Variants in CNTN1 observed in about 807,000 individuals in gnomAD.
CNTN1 encodes the protein contactin-1.
Under a neutral mutation model 126.4 loss-of-function variants are expected in CNTN1, and 38 were observed. That is an observed-to-expected ratio of 0.30 (90% CI 0.23 to 0.39). The LOEUF is 0.39. Ranked by LOEUF, CNTN1 falls within the 10% of genes least tolerant of loss-of-function variation. CNTN1 has a pLI of 1.00. For synonymous variants in CNTN1, 413 were observed against 422.6 expected, an observed-to-expected ratio of 0.98 and a Z score of 0.28; for missense variants, 1,009 against 1,248.4, an observed-to-expected ratio of 0.81 and a Z score of 2.89.
chr12:40,801,095 A>C (rs1200719202), intron 1 of CNTN1, among the ~76,000 whole-genome samples: 2 of 151,110 alleles, frequency 1.3e-5, no homozygotes, highest in African/African-American at 4.9e-5. Flanking sequence ...ATTTTTAGAG[A>C]GAATAATAAT....
intron 23 of CNTN1, among the ~76,000 whole-genome samples, chr12:41,053,494 TTA>T (rs1949735574): frequency 1.5e-5 from 2 of 132,858 alleles, no homozygotes; most frequent in South Asian, 4.7e-4. Context: ...TGTCAGTTCT[TTA>T]TAAGGTGGCT....
chr12:40,945,495 G>A (rs1946402454), intron 14 of CNTN1, among the ~76,000 whole-genome samples: 1 of 151,944 alleles, frequency 6.6e-6, no homozygotes, highest in Non-Finnish European at 1.5e-5. Context: ...AAGTCTAGAA[G>A]TTCCACAACC....
chr12:41,003,566 A>C (rs1217388781), intron 17 of CNTN1, among the ~76,000 whole-genome samples: 1 of 143,208 alleles, frequency 7.0e-6, no homozygotes, highest in African/African-American at 2.7e-5. Flanking sequence ...CTGTGAATCT[A>C]TCTGGTCCTG....
At chr12:40,807,637 G>A (rs1940909807) in intron 1 of CNTN1, among the ~76,000 whole-genome samples, 1 of 152,094 alleles carries the variant, frequency 6.6e-6, no homozygotes, top group Non-Finnish European at 1.5e-5. Context: ...GACTTCATTA[G>A]ATCCTTCTCA....
chr12:40,810,650 TGTGTATGACACTTCA>T (rs1941028594), intron 1 of CNTN1, among the ~76,000 whole-genome samples: 2 of 152,158 alleles, frequency 1.3e-5, no homozygotes, highest in Non-Finnish European at 2.9e-5. Flanking sequence ...TTTATCTTTC[TGTGTATGACACTTCA>T]GTTAGCATAA....
intron 17 of CNTN1, among the ~76,000 whole-genome samples, chr12:41,009,738 C>T (rs951207516): frequency 3.3e-5 from 5 of 152,170 alleles, no homozygotes; most frequent in African/African-American, 9.7e-5. Context: ...TAGCCTCTGG[C>T]TTCAGTGGAT....
intron 16 of CNTN1, among the ~76,000 whole-genome samples, chr12:40,985,225 C>G (rs1947928951): frequency 6.6e-6 from 1 of 151,908 alleles, no homozygotes; most frequent in Admixed American, 6.6e-5. Context: ...ATCTTAGATG[C>G]CTTTTTTAGG....
chr12:40,918,842 T>G (rs951949781), intron 4 of CNTN1, 71 bp downstream of exon 4: 142 of 1,552,592 alleles, frequency 9.1e-5, no homozygotes, highest in Non-Finnish European at 1.3e-4. Flanking sequence ...TCTATGAACT[T>G]GTACAGATGT....
In CNTN1 at chr12:40,787,086, T is replaced by A. The variant is rs1007970621; in HGVS notation, c.-77+94494T>A. Among the ~76,000 whole-genome samples the A allele has an allele frequency of 1.7e-4, 26 of 152,172 alleles. 1 individual carries two copies. The stretch of plus-strand genomic sequence containing the variant: ...CTGGGGATATATTAAAAAATCTGCC[T>A]CTATATCAAGTTATTTATTTATATC... On this transcript the variant is annotated intron_variant, in intron 1 of 23. Transcript: ENST00000551295.
At chr12:40,722,888 C>T (rs1424493046) in intron 1 of CNTN1, among the ~76,000 whole-genome samples, 1 of 152,088 alleles carries the variant, frequency 6.6e-6, no homozygotes, top group Admixed American at 6.6e-5. Context: ...AGCCCTCCAA[C>T]AAATGCATTT....
intron 15 of CNTN1, among the ~76,000 whole-genome samples, chr12:40,980,260 C>T (rs1947784873): frequency 6.6e-6 from 1 of 151,888 alleles, no homozygotes; most frequent in African/African-American, 2.4e-5. Flanking sequence ...CGGTGAAACC[C>T]AGTCTCTGCA....
At chr12:40,984,260 C>T (rs967493720) in intron 16 of CNTN1, among the ~76,000 whole-genome samples, 1 of 152,066 alleles carries the variant, frequency 6.6e-6, no homozygotes, top group South Asian at 2.1e-4. Context: ...TTTATATTTA[C>T]TACTTCTAAT....
At position 40,944,103 on chromosome 12, in the gene CNTN1, T is replaced by C; in HGVS notation, c.1616T>C (p.Val539Ala). 1 of 1,613,558 alleles carries C rather than the reference T, an allele frequency of 6.2e-7. No individual in the cohort carries two copies. Among genetic ancestry groups the C allele is most frequent in the Non-Finnish European group, 8.5e-7 (1 of 1,179,636 alleles). ...GATCCTGCCTTGGATCTCACATTTG[T>C]TTGGTCCTTCAATGGCTATGTGATC... ...SFDPALDLTFVWSFNGYVIDF... is the reference protein window; with the variant it reads ...SFDPALDLTFAWSFNGYVIDF... The change falls in exon 14 of 24, where the codon GTT becomes GCT. Residue 539 changes from valine (V) to alanine (A), a missense_variant. Transcript: ENST00000551295.
intron 1 of CNTN1, among the ~76,000 whole-genome samples, chr12:40,783,751 A>T (rs1250978538): frequency 2.6e-5 from 4 of 152,176 alleles, no homozygotes; most frequent in African/African-American, 9.6e-5. Context: ...TGAATAAAGA[A>T]GGGAAACTCT....
intron 17 of CNTN1, among the ~76,000 whole-genome samples, chr12:41,003,121 A>G (rs145450628): frequency 3.3e-4 from 50 of 152,334 alleles, no homozygotes; most frequent in Non-Finnish European, 7.1e-4. Context: ...ATGTTCCTTC[A>G]ATACCTAGTA....
intron 1 of CNTN1, among the ~76,000 whole-genome samples, chr12:40,829,442 A>G (rs1364108040): frequency 1.3e-5 from 2 of 152,108 alleles, no homozygotes; most frequent in Non-Finnish European, 2.9e-5. Context: ...TAAATCATCT[A>G]TCAAGACCAA....
chr12:40,750,293 G>T (rs1306891032), intron 1 of CNTN1, among the ~76,000 whole-genome samples: 1 of 152,042 alleles, frequency 6.6e-6, no homozygotes, highest in African/African-American at 2.4e-5. Context: ...GGCAGGAGGG[G>T]AATATTCTGG....
chr12:40,706,829 T>C (rs895606597), intron 1 of CNTN1, among the ~76,000 whole-genome samples: 2 of 152,142 alleles, frequency 1.3e-5, no homozygotes, highest in African/African-American at 2.4e-5. Context: ...TTCATAAGAA[T>C]TACCTGAGAT....
chr12:40,936,661 G>A (rs2136928920), intron 9 of CNTN1, 120 bp from the exon 10 acceptor site: 1 of 1,218,342 alleles, frequency 8.2e-7, no homozygotes, highest in South Asian at 1.2e-5. Flanking sequence ...AGTTCAGGAT[G>A]CATACACTAT....
Sources: allele counts gnomAD v4.1 joint callset (sites outside exome capture counted in the v4.1 genomes callset), GRCh38; gene constraint gnomAD v4.1.1; transcripts MANE v1.5; gene names NCBI Gene and HGNC (gene_info 2026-07-23, HGNC 2026-07-21).